CDH8: variants seen among roughly 807,000 people sequenced by gnomAD.
The protein encoded by CDH8 is cadherin-8.
A neutral mutation model predicts 68.1 loss-of-function variants in CDH8; 17 were observed. The observed-to-expected ratio is 0.25, with a 90% CI of 0.17 to 0.37. The LOEUF (loss-of-function observed/expected upper bound fraction) is 0.37, where lower values mean the gene tolerates loss of function less well. Among genes scored for constraint, CDH8 ranks in the 10% least tolerant of loss-of-function variants. CDH8 has a pLI of 1.00. For missense variants in CDH8, 763 were observed against 999.3 expected (o/e 0.76, Z 3.19); for synonymous variants, 372 against 365.1 (o/e 1.02, Z -0.21).
chr16:61,938,743 G>A (rs1008928398), intron 2 of CDH8, among the ~76,000 whole-genome samples: 18 of 152,156 alleles, frequency 1.2e-4, no homozygotes, highest in Non-Finnish European at 2.2e-4. Flanking sequence ...ATGGAAAAGA[G>A]GGTGTACTGA....
intron 4 of CDH8, among the ~76,000 whole-genome samples, chr16:61,854,351 C>T (rs142798975): frequency 8.4e-4 from 128 of 152,066 alleles, no homozygotes; most frequent in East Asian, 4.3e-3. Context: ...AAAGCCTGGC[C>T]GTTTATGTGC....
chr16:61,899,505 G>A (rs1963929788), intron 3 of CDH8, among the ~76,000 whole-genome samples: 1 of 151,872 alleles, frequency 6.6e-6, no homozygotes, highest in South Asian at 2.1e-4. Context: ...AACGGCAAGG[G>A]GATAAAGAGA....
intron 2 of CDH8, among the ~76,000 whole-genome samples, chr16:61,928,071 A>T (rs989884843): frequency 1.3e-5 from 2 of 152,224 alleles, no homozygotes; most frequent in East Asian, 3.9e-4. Flanking sequence ...TAAAAGTCCT[A>T]TGAAATACCT....
At chr16:62,030,444 G>C (rs1365927207) in intron 1 of CDH8, among the ~76,000 whole-genome samples, 1 of 151,846 alleles carries the variant, frequency 6.6e-6, no homozygotes, top group Non-Finnish European at 1.5e-5. Flanking sequence ...TGTGAATTCT[G>C]TTTATAAAGC....
At chr16:61,832,593 T>C (rs1429898505) in intron 4 of CDH8, among the ~76,000 whole-genome samples, 2 of 151,810 alleles carry the variant, frequency 1.3e-5, no homozygotes, top group African/African-American at 4.8e-5. Flanking sequence ...AAGAACTTAT[T>C]CTAAGAAAAT....
At chr16:61,722,232 T>A (rs1959225690) in intron 9 of CDH8, among the ~76,000 whole-genome samples, 1 of 150,786 alleles carries the variant, frequency 6.6e-6, no homozygotes. Context: ...GCTAGAAGAC[T>A]GCCTTCATGC....
chr16:61,816,142 T>C (rs1422275175), intron 7 of CDH8, among the ~76,000 whole-genome samples: 1 of 152,164 alleles, frequency 6.6e-6, no homozygotes, highest in Admixed American at 6.5e-5. Context: ...GAGGTTAGAC[T>C]CTTCTGCAGG....
chr16:61,999,945 A>G (rs911198910), intron 2 of CDH8, among the ~76,000 whole-genome samples: 11 of 151,958 alleles, frequency 7.2e-5, no homozygotes, highest in Non-Finnish European at 1.5e-4. Context: ...ATTTGTCCTA[A>G]TGCTCTCCCT....
At position 61,653,766 on chromosome 16, in the gene CDH8, C is replaced by T; in HGVS notation, c.2242G>A (p.Gly748Ser). 6.2e-7 allele frequency: 1 copy of T among 1,614,156 alleles called. No homozygotes were observed. The highest frequency in any genetic ancestry group is 8.5e-7 in the Non-Finnish European group (1 of 1,180,034). ...GCCACTGACCCTCGGCCTTCATAGC[C>T]ATATATCTGAATGGAGTCATATGGC... Reference protein sequence around the residue: ...APPYDSIQIYGYEGRGSVAGS... With the variant: ...APPYDSIQIYSYEGRGSVAGS... The change falls in exon 12 of 12, where the codon GGC becomes AGC. Residue 748 changes from glycine (G) to serine (S), a missense_variant. Gly to Ser is a moderately conservative substitution (Grantham distance 56). Around this residue, in one of 2 missense-constraint regions of CDH8, gnomAD observed 397 missense variants for 436.2 expected, o/e 0.91. Transcript: ENST00000577390.
intron 9 of CDH8, among the ~76,000 whole-genome samples, chr16:61,718,293 G>C (rs1175021292): frequency 6.6e-6 from 1 of 151,308 alleles, no homozygotes; most frequent in Admixed American, 6.6e-5. Flanking sequence ...AAAAGAAATA[G>C]TTCTTTCTAT....
intron 2 of CDH8, among the ~76,000 whole-genome samples, chr16:61,982,297 G>T (rs967377775): frequency 9.2e-5 from 14 of 151,916 alleles, no homozygotes; most frequent in African/African-American, 3.4e-4. Context: ...TCGGCTCAAT[G>T]CAAGCTCCGC....
rs1965094172 is a variant in CDH8 at position 61,960,153 on chromosome 16, G to GTGTGTGTATACACATACATATATACATA, written c.253-58681_253-58680insTATGTATATATGTATGTGTATACACACA. Among the ~76,000 whole-genome samples, 13 of 39,872 alleles carry GTGTGTGTATACACATACATATATACATA rather than the reference G, an allele frequency of 3.3e-4. 1 individual carries two copies. Among genetic ancestry groups the GTGTGTGTATACACATACATATATACATA allele is most frequent in the South Asian group, 1.6e-3 (2 of 1,244 alleles). The allele number at this position is 39,872 out of a possible 152,430, so 26.2% of individuals were successfully genotyped here. On this transcript the variant is annotated intron_variant, in intron 2 of 11. Transcript: ENST00000577390. ...TGTATACACATACATATATACATAT[G>GTGTGTGTATACACATACATATATACATA]TGTGTGTGTATACACATACATATAT...
intron 2 of CDH8, among the ~76,000 whole-genome samples, chr16:61,924,899 T>C (rs1474482562): frequency 6.6e-6 from 1 of 152,196 alleles, no homozygotes; most frequent in East Asian, 1.9e-4. Context: ...ATAGAGTTGC[T>C]AATTGTTCCG....
intron 8 of CDH8, among the ~76,000 whole-genome samples, chr16:61,745,462 C>T (rs186533940): frequency 6.6e-6 from 1 of 152,048 alleles, no homozygotes; most frequent in African/African-American, 2.4e-5. Flanking sequence ...TGGCCTTCCT[C>T]CTCTCTGGAG....
chr16:61,937,613 T>C (rs988464668), intron 2 of CDH8, among the ~76,000 whole-genome samples: 8 of 152,156 alleles, frequency 5.3e-5, no homozygotes, highest in Admixed American at 4.6e-4. Context: ...AAAACAATCA[T>C]AGCAACTCAT....
intron 10 of CDH8, among the ~76,000 whole-genome samples, chr16:61,675,310 G>A (rs1008215297): frequency 3.9e-5 from 6 of 151,906 alleles, no homozygotes; most frequent in Non-Finnish European, 8.8e-5. Flanking sequence ...GGACATGGAT[G>A]AAATTGGAAA....
At chr16:61,705,208 C>G (rs1964505217) in intron 10 of CDH8, among the ~76,000 whole-genome samples, 1 of 152,074 alleles carries the variant, frequency 6.6e-6, no homozygotes, top group African/African-American at 2.4e-5. Context: ...GGAATATGAA[C>G]CCAGTGTCAC....
chr16:61,959,872 T>C (rs1965058990), intron 2 of CDH8, among the ~76,000 whole-genome samples: 1 of 147,312 alleles, frequency 6.8e-6, no homozygotes, highest in African/African-American at 2.5e-5. Flanking sequence ...TGTGTGCATA[T>C]ATATGTGTAT....
At chr16:61,755,843 T>A (rs1385964021) in intron 8 of CDH8, among the ~76,000 whole-genome samples, 1 of 151,794 alleles carries the variant, frequency 6.6e-6, no homozygotes, top group Non-Finnish European at 1.5e-5. Flanking sequence ...GGACAGGGTC[T>A]CGCGTCTCGC....
Sources: allele counts gnomAD v4.1 joint callset (sites outside exome capture counted in the v4.1 genomes callset), GRCh38; gene constraint gnomAD v4.1.1; regional missense constraint gnomAD v4.1.1; transcripts MANE v1.5; gene names NCBI Gene and HGNC (gene_info 2026-07-23, HGNC 2026-07-21).